IL17RD: variants seen among roughly 807,000 people sequenced by gnomAD.
IL17RD encodes the protein interleukin-17 receptor D.
In IL17RD, 52 loss-of-function variants were observed where a neutral mutation model predicts 80.5. The ratio of observed to expected loss-of-function variants is 0.65; its 90% CI spans 0.52 to 0.81. The LOEUF (loss-of-function observed/expected upper bound fraction) is 0.81. IL17RD is among the 40% of genes least tolerant of loss of function. The probability of loss-of-function intolerance (pLI) is 0.00; values close to 1 mark genes in which losing one functional copy is unlikely to be tolerated. For synonymous variants in IL17RD, 416 were observed against 391.8 expected, an observed-to-expected ratio of 1.06 and a Z score of -0.73; for missense variants, 1,024 against 955.1, an observed-to-expected ratio of 1.07 and a Z score of -0.95.
intron 5 of IL17RD, among the ~76,000 whole-genome samples, chr3:57,108,726 G>T (rs1707023095): frequency 6.6e-6 from 1 of 150,974 alleles, no homozygotes; most frequent in Non-Finnish European, 1.5e-5. Context: ...ATATTTTTCA[G>T]GCTGGTCTCG....
rs144327878 is a variant in IL17RD at position 57,130,229 on chromosome 3, G to T, written c.127-9916C>A. On this transcript the variant is annotated intron_variant, in intron 1 of 12. Coordinates refer to ENST00000296318, the MANE Select transcript of IL17RD (RefSeq NM_017563.5). ...CAGAGCTCATGAAGGCCACCCAAGG[G>T]CCTCTGAGGGGTTCACAGGCCCCCA... 3.9e-4 allele frequency among the ~76,000 whole-genome samples: 60 copies of T among 152,260 alleles called. 2 individuals carry two copies. In the South Asian group the frequency reaches 0.012, roughly 31 times the overall value.
chr3:57,127,003 G>A (rs909026759), intron 1 of IL17RD, among the ~76,000 whole-genome samples: 3 of 149,512 alleles, frequency 2.0e-5, no homozygotes, highest in Non-Finnish European at 3.0e-5. Context: ...TTTTGTATTT[G>A]TAGTAGAGAC....
chr3:57,107,396 T>G (rs1448907280), intron 5 of IL17RD, among the ~76,000 whole-genome samples: 2 of 141,534 alleles, frequency 1.4e-5, no homozygotes, highest in Admixed American at 7.4e-5. Context: ...AAAAAAAAAA[T>G]TATGAAATCA....
intron 1 of IL17RD, among the ~76,000 whole-genome samples, chr3:57,156,503 T>C (rs1333279052): frequency 1.3e-5 from 2 of 152,112 alleles, no homozygotes; most frequent in Admixed American, 6.6e-5. Flanking sequence ...AGTTCAAGAC[T>C]GCAATAAGCT....
At chr3:57,154,404 A>G (rs573629995) in intron 1 of IL17RD, among the ~76,000 whole-genome samples, 2 of 149,478 alleles carry the variant, frequency 1.3e-5, no homozygotes, top group African/African-American at 4.9e-5. Context: ...GAACTCTTTA[A>G]AAGTTCGCTG....
intron 1 of IL17RD, among the ~76,000 whole-genome samples, chr3:57,152,608 T>C (rs1179578572): frequency 6.6e-6 from 1 of 152,226 alleles, no homozygotes; most frequent in African/African-American, 2.4e-5. Context: ...TTGTTGCTTT[T>C]TGACATTTTA....
At chr3:57,099,829 G>A (rs896281556) in intron 11 of IL17RD, among the ~76,000 whole-genome samples, 1 of 152,112 alleles carries the variant, frequency 6.6e-6, no homozygotes, top group Admixed American at 6.6e-5. Context: ...TCAATATGGA[G>A]GATCATGTAG....
chr3:57,123,492 C>T lies in IL17RD; in HGVS notation c.127-3179G>A, dbSNP rs375444788. On this transcript the variant is annotated intron_variant, in intron 1 of 12. Transcript: ENST00000296318. ...CCTCTTCTCTTCCTATCACCCAGGT[C>T]CCCTCCCCTGGTGGGCTGCTTGCCG... Among the ~76,000 whole-genome samples, 46 of 152,324 alleles carry T rather than the reference C, an allele frequency of 3.0e-4. 1 individual carries two copies. In the East Asian group the frequency reaches 7.4e-3, roughly 24 times the overall value.
At chr3:57,107,059 G>A (rs945333418) in intron 5 of IL17RD, among the ~76,000 whole-genome samples, 1 of 152,154 alleles carries the variant, frequency 6.6e-6, no homozygotes, top group Admixed American at 6.5e-5. Flanking sequence ...CATACACATG[G>A]TCTTTGCCGT....
chr3:57,102,962 T>C (rs1416923905), intron 9 of IL17RD, 129 bp downstream of exon 9: 2 of 648,236 alleles, frequency 3.1e-6, no homozygotes, highest in Non-Finnish European at 5.4e-6. Context: ...AAGTCAGATT[T>C]GATGGAACAT....
intron 1 of IL17RD, among the ~76,000 whole-genome samples, chr3:57,156,123 T>C (rs990654663): frequency 6.6e-6 from 1 of 152,166 alleles, no homozygotes; most frequent in Non-Finnish European, 1.5e-5. Flanking sequence ...GAGCTGACAC[T>C]GCAACGGGGA....
Position 57,102,510 on chromosome 3 carries a change from G to C in IL17RD, c.948C>G (p.Leu316=). 6.3e-7 allele frequency: 1 copy of C among 1,578,812 alleles called. No homozygotes were observed. Among genetic ancestry groups the C allele is most frequent in the Non-Finnish European group, 8.7e-7 (1 of 1,153,622 alleles). Residue 316 remains leucine (L), a synonymous_variant, in exon 10 of 13, where the codon CTC becomes CTG. Transcript: ENST00000296318. ...PLVVISAFAT[L]FTVMCRKKQQ... ...GCTTCTTGCGGCACATCACAGTGAA[G>C]AGCGTCGCGAATGCCGATATGACTA...
intron 7 of IL17RD, among the ~76,000 whole-genome samples, chr3:57,105,552 A>AATATATATATATATAT (rs1553623051): frequency 8.0e-4 from 51 of 63,550 alleles, no homozygotes; most frequent in Non-Finnish European, 1.0e-3. Flanking sequence ...AAAAAAAAAA[A>AATATATATATATATAT]ATATATATAT....
intron 1 of IL17RD, among the ~76,000 whole-genome samples, chr3:57,123,303 C>T (rs1302553425): frequency 6.6e-6 from 1 of 152,210 alleles, no homozygotes; most frequent in Non-Finnish European, 1.5e-5. Flanking sequence ...GCCCTCGCTC[C>T]CCTGCTTTGA....
intron 1 of IL17RD, chr3:57,134,621 CAGGTCTAAGACCAAGGA>C: frequency 1.1e-6 from 1 of 874,638 alleles, no homozygotes; most frequent in African/African-American, 1.6e-5. Context: ...CTAAGGCCCG[CAGGTCTAAGACCAAGGA>C]AGCACGCAAG....
At chr3:57,119,893 C>T (rs1235052562) in intron 2 of IL17RD, among the ~76,000 whole-genome samples, 2 of 152,206 alleles carry the variant, frequency 1.3e-5, no homozygotes, top group African/African-American at 4.8e-5. Context: ...ATGAGCTATC[C>T]AGTTTGCCAT....
intron 1 of IL17RD, 69 bp downstream of exon 1, chr3:57,165,092 G>T: frequency 7.1e-7 from 1 of 1,402,588 alleles, no homozygotes; most frequent in South Asian, 1.5e-5. Flanking sequence ...TCGCCTCCCC[G>T]CGAGCACCTG....
chr3:57,133,830 G>T (rs1461843677), intron 1 of IL17RD, among the ~76,000 whole-genome samples: 1 of 152,164 alleles, frequency 6.6e-6, no homozygotes, highest in Non-Finnish European at 1.5e-5. Flanking sequence ...TCTCCTATAG[G>T]GCTGAGGCAA....
At chr3:57,146,343 A>T (rs959322560) in intron 1 of IL17RD, among the ~76,000 whole-genome samples, 3 of 152,222 alleles carry the variant, frequency 2.0e-5, no homozygotes, top group African/African-American at 7.2e-5. Flanking sequence ...CTAGACTTAA[A>T]GGCACTAAAA....
Sources: allele counts gnomAD v4.1 joint callset (sites outside exome capture counted in the v4.1 genomes callset), GRCh38; gene constraint gnomAD v4.1.1; transcripts MANE v1.5; gene names NCBI Gene and HGNC (gene_info 2026-07-23, HGNC 2026-07-21).